The following CPED1 variants were observed in gnomAD, a reference collection of about 807,000 sequenced individuals.
The protein encoded by CPED1 is cadherin like and PC-esterase domain containing 1, also known as cadherin-like and PC-esterase domain-containing protein 1.
A neutral mutation model predicts 128.2 loss-of-function variants in CPED1; 114 were observed. That is an observed-to-expected ratio of 0.89 (90% CI 0.76 to 1.04). The LOEUF is 1.04. Among genes scored for constraint, CPED1 ranks in the 50% least tolerant of loss-of-function variants. The pLI, the probability that CPED1 is intolerant of heterozygous loss-of-function variation, is 0.00. For synonymous variants in CPED1, 462 were observed against 426.7 expected (o/e 1.08, Z -1.02); for missense variants, 1,211 against 1,207.1 (o/e 1.00, Z -0.05).
At chr7:121,060,080 T>C (rs1585045760) in intron 4 of CPED1, among the ~76,000 whole-genome samples, 1 of 152,136 alleles carries the variant, frequency 6.6e-6, no homozygotes, top group East Asian at 1.9e-4. Context: ...CGGCCGGCCC[T>C]GCCGGCCCGG....
intron 13 of CPED1, among the ~76,000 whole-genome samples, chr7:121,134,892 CATTTT>C (rs781248911): frequency 3.3e-5 from 5 of 151,674 alleles, no homozygotes; most frequent in Admixed American, 1.3e-4. Context: ...TCTAAATGTT[CATTTT>C]AAGGAAATAA....
At chr7:121,087,853 G>A (rs1442484138) in intron 5 of CPED1, among the ~76,000 whole-genome samples, 2 of 151,364 alleles carry the variant, frequency 1.3e-5, no homozygotes, top group Admixed American at 6.6e-5. Flanking sequence ...GTAGAGACAG[G>A]GTTTCACCAT....
intron 16 of CPED1, among the ~76,000 whole-genome samples, chr7:121,186,668 G>A (rs1041219784): frequency 6.6e-6 from 1 of 152,122 alleles, no homozygotes; most frequent in Non-Finnish European, 1.5e-5. Context: ...TATGCATCCT[G>A]TAAATTTGCT....
At chr7:121,192,483 G>A (rs1331803791) in intron 16 of CPED1, among the ~76,000 whole-genome samples, 1 of 152,126 alleles carries the variant, frequency 6.6e-6, no homozygotes, top group Non-Finnish European at 1.5e-5. Context: ...ATATGCATGA[G>A]TGTACATGCT....
At chr7:121,038,782 G>A (rs1008502256) in intron 3 of CPED1, among the ~76,000 whole-genome samples, 4 of 151,934 alleles carry the variant, frequency 2.6e-5, no homozygotes, top group African/African-American at 9.7e-5. Context: ...AGTTTTGAGA[G>A]GAACTGGTCA....
intron 16 of CPED1, among the ~76,000 whole-genome samples, chr7:121,179,517 A>G (rs1241617221): frequency 6.6e-6 from 1 of 152,162 alleles, no homozygotes; most frequent in African/African-American, 2.4e-5. Flanking sequence ...CGTTTCTGGC[A>G]TATTCTTCTA....
chr7:120,992,319 A>C (rs1207509782), intron 2 of CPED1, among the ~76,000 whole-genome samples: 1 of 152,114 alleles, frequency 6.6e-6, no homozygotes, highest in African/African-American at 2.4e-5. Context: ...CTTTGCTTTA[A>C]GTGTTTTTAA....
At chr7:121,048,211 T>C (rs112423405) in intron 4 of CPED1, among the ~76,000 whole-genome samples, 1,726 of 152,294 alleles carry the variant, frequency 0.011, 26 homozygotes, top group Middle Eastern at 0.034. Context: ...GGCTTCAGGC[T>C]TGAATATGCA....
intron 11 of CPED1, 77 bp downstream of exon 11, chr7:121,128,563 C>A: frequency 1.3e-6 from 1 of 765,224 alleles, no homozygotes; most frequent in Non-Finnish European, 2.3e-6. Flanking sequence ...CTGATTTTGA[C>A]ATCAAACTAG....
intron 5 of CPED1, among the ~76,000 whole-genome samples, chr7:121,073,591 G>A (rs987116684): frequency 6.6e-6 from 1 of 152,208 alleles, no homozygotes; most frequent in Non-Finnish European, 1.5e-5. Context: ...GCCGTATTGT[G>A]TAATGCGAAC....
chr7:121,266,141 A>G, intron 18 of CPED1, 86 bp from the exon 19 acceptor site: 1 of 982,608 alleles, frequency 1.0e-6, no homozygotes, highest in Non-Finnish European at 1.6e-6. Context: ...TAGTAGTGTG[A>G]ATATTCAAAA....
intron 4 of CPED1, chr7:121,050,559 G>T (rs1260377767): frequency 4.9e-6 from 1 of 202,140 alleles, no homozygotes; most frequent in African/African-American, 2.5e-5. Flanking sequence ...CGCCTCCCAG[G>T]TTCAAGCAAT....
intron 18 of CPED1, 62 bp from the exon 19 acceptor site, chr7:121,266,165 A>C: frequency 1.6e-6 from 2 of 1,285,442 alleles, no homozygotes; most frequent in Non-Finnish European, 2.2e-6. Context: ...CATTATTTTA[A>C]ACTATCTCCT....
At chr7:121,072,338 G>A (rs1794016417) in intron 5 of CPED1, among the ~76,000 whole-genome samples, 3 of 152,144 alleles carry the variant, frequency 2.0e-5, no homozygotes, top group South Asian at 4.1e-4. Flanking sequence ...TTGACTAGTG[G>A]CCACTGAATT....
At chr7:121,261,498 C>T in intron 18 of CPED1, 2 of 1,294,400 alleles carry the variant, frequency 1.5e-6, no homozygotes, top group Non-Finnish European at 2.2e-6. Flanking sequence ...GACTATATTT[C>T]TCAGTGTCTC....
At position 121,271,449 on chromosome 7, in the gene CPED1, T is replaced by A; in HGVS notation, c.2868+19T>A. Reference sequence around the variant, plus strand: ...CCATGAGGTATTTATGCTGGCTATCTGAGTTTTATAGCTTTTGATCTTTTA... The same window carrying A: ...CCATGAGGTATTTATGCTGGCTATCAGAGTTTTATAGCTTTTGATCTTTTA... On this transcript the variant is annotated intron_variant, in intron 22 of 22. Coordinates refer to ENST00000310396, the MANE Select transcript of CPED1 (RefSeq NM_024913.5). 3.7e-6 allele frequency: 6 copies of A among 1,606,222 alleles called. 1 individual carries two copies. In the South Asian group the frequency reaches 5.6e-5, roughly 15 times the overall value.
At chr7:121,097,887 C>A in intron 6 of CPED1, 56 bp downstream of exon 6, 2 of 1,590,786 alleles carry the variant, frequency 1.3e-6, no homozygotes, top group Middle Eastern at 1.7e-4. Flanking sequence ...AGACAGCTAA[C>A]AAGAGAAAAG....
chr7:121,037,331 G>T (rs1792921148), intron 3 of CPED1, among the ~76,000 whole-genome samples: 1 of 152,128 alleles, frequency 6.6e-6, no homozygotes, highest in African/African-American at 2.4e-5. Context: ...TGAGAGATGA[G>T]GATCCAGTTT....
At chr7:121,279,634 A>G (rs932483276) in intron 22 of CPED1, among the ~76,000 whole-genome samples, 17 of 152,176 alleles carry the variant, frequency 1.1e-4, no homozygotes, top group South Asian at 1.0e-3. Flanking sequence ...GAAAAAGATA[A>G]GGCTGAGACA....
Sources: gnomAD v4.1 joint callset for allele counts (sites outside exome capture counted in the v4.1 genomes callset) on GRCh38, gnomAD v4.1.1 for gene constraint, MANE v1.5 for transcripts, NCBI Gene and HGNC (gene_info 2026-07-23, HGNC 2026-07-21) for gene names.